Variants in DNAJC13 observed in about 807,000 individuals in gnomAD.
DNAJC13 encodes dnaJ homolog subfamily C member 13.
DNAJC13 carries 75 observed loss-of-function variants against 290.5 expected under a neutral mutation model. The observed-to-expected ratio is 0.26, with a 90% CI of 0.21 to 0.31. The LOEUF is 0.31. DNAJC13 is among the 10% of genes least tolerant of loss of function. DNAJC13 has a pLI of 1.00. For synonymous variants in DNAJC13, 862 were observed against 892.0 expected (o/e 0.97, Z 0.60); for missense variants, 2,260 against 2,674.5 (o/e 0.85, Z 3.42).
At position 132,444,923 on chromosome 3, in the gene DNAJC13, A is replaced by G. The variant is rs190599890; in HGVS notation, c.69-1552A>G. Among the ~76,000 whole-genome samples the G allele has an allele frequency of 1.4e-3, 213 of 152,116 alleles. 1 individual carries two copies. Among genetic ancestry groups the G allele is most frequent in the African/African-American group, 3.7e-3 (153 of 41,516 alleles). On this transcript the variant is annotated intron_variant, in intron 2 of 55. Coordinates refer to ENST00000260818, the MANE Select transcript of DNAJC13 (RefSeq NM_015268.4). The stretch of plus-strand genomic sequence containing the variant: ...TCCACTTTAGACATGTAGAGTTAGG[A>G]AAAAAAACACAATGTAGCAATACTT...
Position 132,499,255 on chromosome 3 carries a change from C to G in DNAJC13, c.4286C>G (p.Thr1429Ser). The G allele has an allele frequency of 1.9e-6, 3 of 1,614,074 alleles. No individual in the cohort carries two copies. The highest frequency in any genetic ancestry group is 2.5e-6 in the Non-Finnish European group (3 of 1,179,976). ...GCGGCTACAGAGCTAGCTTTCCATA[C>G]TGTCAACTGTTCAGCCCTCAATGCT... is the stretch of plus-strand genomic sequence containing the variant. ...LPAATELAFH[T>S]VNCSALNAEE... Residue 1429 changes from threonine to serine, a missense_variant, in exon 37 of 56, where the codon ACT becomes AGT. Thr to Ser is a moderately conservative substitution (Grantham distance 58). Around this residue, in one of 3 missense-constraint regions of DNAJC13, gnomAD observed 1,494 missense variants for 1,693.7 expected, o/e 0.88. Coordinates refer to ENST00000260818, the MANE Select transcript of DNAJC13 (RefSeq NM_015268.4).
intron 46 of DNAJC13, chr3:132,514,912 T>TAATGATA: frequency 3.9e-6 from 1 of 259,408 alleles, no homozygotes; most frequent in Non-Finnish European, 6.8e-6. Context: ...CCTGGGATTT[T>TAATGATA]CAGTTTGTTG....
intron 39 of DNAJC13, 61 bp downstream of exon 39, chr3:132,500,974 C>T: frequency 1.3e-6 from 2 of 1,578,502 alleles, no homozygotes; most frequent in Non-Finnish European, 1.7e-6. Context: ...TGTCAACTAG[C>T]CAGTTCCTAA....
rs921372152 is a variant in DNAJC13 at position 132,422,417 on chromosome 3, C to A, written c.-14+4657C>A. ...ATGTATGTTGAATATCTAGTCTCAT[C>A]CACTAAATGCTAGTAGTGCTCCCAG... On this transcript the variant is annotated intron_variant, in intron 1 of 55. Transcript: ENST00000260818. Among the ~76,000 whole-genome samples the A allele has an allele frequency of 3.9e-5, 6 of 152,162 alleles. 1 individual carries two copies. The highest frequency in any genetic ancestry group is 1.4e-4 in the African/African-American group (6 of 41,448).
chr3:132,508,397 A>G (rs1048891108), intron 43 of DNAJC13, among the ~76,000 whole-genome samples: 7 of 152,228 alleles, frequency 4.6e-5, no homozygotes, highest in African/African-American at 1.7e-4. Flanking sequence ...CTTGCCATCT[A>G]GGATTTAGCT....
chr3:132,501,323 G>T (rs1388477157), intron 39 of DNAJC13, among the ~76,000 whole-genome samples: 2 of 152,124 alleles, frequency 1.3e-5, no homozygotes, highest in Non-Finnish European at 2.9e-5. Context: ...CAACACTGCA[G>T]AACCCTGTCT....
At position 132,436,883 on chromosome 3, in the gene DNAJC13, C is replaced by CTTT. The variant is rs68049166; in HGVS notation, c.68+2277_68+2279dup. Among the ~76,000 whole-genome samples the CTTT allele has an allele frequency of 1.3e-4, 19 of 141,946 alleles. No homozygotes were observed. In the East Asian group the frequency reaches 2.6e-3, roughly 20 times the overall value. The allele number at this position is 141,946 out of a possible 152,430, so 93.1% of individuals were successfully genotyped here. A position where few individuals can be genotyped will look rare whatever the true frequency, so the allele number is the denominator to read the frequency against. ...AACTAAAAAAATTTTTTTTATTTTA[C>CTTT]TTTTTTTTTTTTTTCTTTTTGAGAC... On this transcript the variant is annotated intron_variant, in intron 2 of 55. Transcript: ENST00000260818.
intron 51 of DNAJC13, among the ~76,000 whole-genome samples, chr3:132,525,066 C>A (rs533635247): frequency 6.6e-6 from 1 of 152,130 alleles, no homozygotes; most frequent in Admixed American, 6.5e-5. Flanking sequence ...AGAGGCTGGG[C>A]GCGGTGGCTC....
intron 3 of DNAJC13, 61 bp downstream of exon 3, chr3:132,446,611 G>A: frequency 8.5e-7 from 1 of 1,181,002 alleles, no homozygotes; most frequent in Non-Finnish European, 1.2e-6. Flanking sequence ...TAAAAGCCAG[G>A]CTGTGACCAT....
chr3:132,427,744 A>T (rs1939136821), intron 1 of DNAJC13, among the ~76,000 whole-genome samples: 1 of 152,202 alleles, frequency 6.6e-6, no homozygotes, highest in African/African-American at 2.4e-5. Flanking sequence ...TATTAGGTAC[A>T]AGAGCTGGTA....
At chr3:132,536,790 G>A (rs1460388416) in intron 55 of DNAJC13, among the ~76,000 whole-genome samples, 2 of 152,150 alleles carry the variant, frequency 1.3e-5, no homozygotes, top group Non-Finnish European at 2.9e-5. Flanking sequence ...GACTGTGAAA[G>A]GCCTGGCATC....
intron 22 of DNAJC13, among the ~76,000 whole-genome samples, chr3:132,475,495 T>C (rs1934440538): frequency 6.6e-6 from 1 of 152,176 alleles, no homozygotes; most frequent in African/African-American, 2.4e-5. Context: ...TCTATTAAAA[T>C]ATTGATGTGA....
rs1559872765 is a variant in DNAJC13, at chr3:132,447,436, C to G, written c.260C>G (p.Thr87Arg). Residue 87 changes from threonine (T) to arginine (R), a missense_variant, in exon 4 of 56, where the codon ACA (threonine) becomes AGA (arginine). Coordinates refer to ENST00000260818, the MANE Select transcript of DNAJC13 (RefSeq NM_015268.4). ...GKKSETLKFS[T>R]EHRTELLTEA... ...AAGTCAGAAACTTTAAAATTTTCTA[C>G]AGAGCACAGAACAGAACTTCTTACA... is the stretch of plus-strand genomic sequence containing the variant. The G allele has an allele frequency of 6.2e-7, 1 of 1,606,302 alleles. No individual in the cohort carries two copies. The highest frequency in any genetic ancestry group is 1.7e-4 in the Middle Eastern group (1 of 6,034).
chr3:132,535,064 A>G (rs2107759481), intron 55 of DNAJC13, among the ~76,000 whole-genome samples: 1 of 152,356 alleles, frequency 6.6e-6, no homozygotes, highest in East Asian at 1.9e-4. Flanking sequence ...AATCATTGAA[A>G]TCAAGGTTGC....
At chr3:132,510,116 G>A (rs550616082) in intron 43 of DNAJC13, among the ~76,000 whole-genome samples, 28 of 152,004 alleles carry the variant, frequency 1.8e-4, no homozygotes, top group Non-Finnish European at 2.9e-5. Flanking sequence ...TATCCCACTG[G>A]GCCATGTTTA....
Position 132,477,876 on chromosome 3 carries a change from G to C in DNAJC13, c.2533G>C (p.Gly845Arg). 6.2e-7 allele frequency: 1 copy of C among 1,612,884 alleles called. No individual in the cohort carries two copies. The highest frequency in any genetic ancestry group is 8.5e-7 in the Non-Finnish European group (1 of 1,179,480). Residue 845 changes from glycine (G) to arginine (R), a missense_variant, in exon 23 of 56, where the codon GGA (glycine) becomes CGA (arginine). Gly to Arg is a moderately radical substitution (Grantham distance 125). Coordinates refer to ENST00000260818, the MANE Select transcript of DNAJC13 (RefSeq NM_015268.4). ...LLEEDENEES[G>R]SIKRSYEFFN... ...GGAGGAAGATGAGAATGAAGAAAGTGGATCAATTAAGAGATCGTGAGCTAC... is the reference window on the plus strand; with the variant it reads ...GGAGGAAGATGAGAATGAAGAAAGTCGATCAATTAAGAGATCGTGAGCTAC...
intron 44 of DNAJC13, among the ~76,000 whole-genome samples, chr3:132,512,473 G>A (rs944461048): frequency 2.6e-5 from 4 of 152,144 alleles, no homozygotes; most frequent in African/African-American, 9.7e-5. Flanking sequence ...GAACAAAACG[G>A]AAGTAAATAT....
chr3:132,518,133 T>C (rs1439484019), intron 48 of DNAJC13, among the ~76,000 whole-genome samples: 1 of 152,264 alleles, frequency 6.6e-6, no homozygotes, highest in African/African-American at 2.4e-5. Flanking sequence ...TATGTATACA[T>C]GTGCCATGTT....
chr3:132,447,918 A>C lies in DNAJC13; in HGVS notation c.315A>C (p.Ser105=), dbSNP rs1050221443. Residue 105 remains serine, a synonymous_variant, in exon 5 of 56, where the codon TCA becomes TCC. Transcript: ENST00000260818. The part of the protein sequence containing the change: ...TEALRFRTDF[S]EGKITGRRYN... ...TTCAGAGATTTAGAACTGATTTTTCAGAGGGAAAAATCACAGGAAGGGTAA... is the reference window on the plus strand; with the variant it reads ...TTCAGAGATTTAGAACTGATTTTTCCGAGGGAAAAATCACAGGAAGGGTAA... The C allele has an allele frequency of 1.9e-6, 3 of 1,590,716 alleles. No individual in the cohort carries two copies. Among genetic ancestry groups the C allele is most frequent in the Admixed American group, 3.4e-5 (2 of 59,192 alleles).
Sources: allele counts gnomAD v4.1 joint callset (sites outside exome capture counted in the v4.1 genomes callset), GRCh38; gene constraint gnomAD v4.1.1; regional missense constraint gnomAD v4.1.1; transcripts MANE v1.5; gene names NCBI Gene and HGNC (gene_info 2026-07-23, HGNC 2026-07-21).